BIN1: variants seen among roughly 807,000 people sequenced by gnomAD.
BIN1 encodes bridging integrator 1.
BIN1 carries 53 observed loss-of-function variants against 82.0 expected under a neutral mutation model. That is an observed-to-expected ratio of 0.65 (90% CI 0.52 to 0.81). BIN1 has a LOEUF of 0.81. BIN1 is among the 40% of genes least tolerant of loss of function. BIN1 has a pLI of 0.00. For missense variants in BIN1, 642 were observed against 784.4 expected, an observed-to-expected ratio of 0.82 and a Z score of 2.17; for synonymous variants, 302 against 328.0, an observed-to-expected ratio of 0.92 and a Z score of 0.86.
chr2:127,069,749 CA>C (rs1685630239), intron 5 of BIN1, among the ~76,000 whole-genome samples: 1 of 152,092 alleles, frequency 6.6e-6, no homozygotes, highest in Non-Finnish European at 1.5e-5. Context: ...CACACACACA[CA>C]CACACACACA....
chr2:127,069,230 C>G (rs1057105990), intron 5 of BIN1, among the ~76,000 whole-genome samples, 199 bp from the exon 6 acceptor site: 3 of 152,192 alleles, frequency 2.0e-5, no homozygotes, highest in Non-Finnish European at 4.4e-5. Flanking sequence ...TGTGAAACCA[C>G]TTCCTTGCAC....
rs780315634 is a variant in BIN1 at position 127,076,641 on chromosome 2, A to G, written c.150T>C (p.Asn50=). ...KDEQFEQCVQ[N]FNKQLTEGTR... is the part of the protein sequence containing the mutation. Reference sequence around the variant, plus strand: ...CCACACTCACCAGCTGCTTGTTGAAATTCTGGACGCACTGCTCAAACTGCT... The same window carrying G: ...CCACACTCACCAGCTGCTTGTTGAAGTTCTGGACGCACTGCTCAAACTGCT... The change falls in exon 2 of 19, where the codon AAT becomes AAC. Residue 50 remains asparagine, a synonymous_variant. Coordinates refer to ENST00000316724, the MANE Select transcript of BIN1 (RefSeq NM_139343.3). 6 of 1,614,126 alleles carry G rather than the reference A, an allele frequency of 3.7e-6. No individual in the cohort carries two copies. In the East Asian group the frequency reaches 1.3e-4, roughly 36 times the overall value.
chr2:127,082,951 T>G lies in BIN1; in HGVS notation c.85-6245A>C, dbSNP rs909914293. Among the ~76,000 whole-genome samples the G allele has an allele frequency of 6.6e-6, 1 of 151,902 alleles. No individual in the cohort carries two copies. Among genetic ancestry groups the G allele is most frequent in the African/African-American group, 2.4e-5 (1 of 41,318 alleles). On this transcript the variant is annotated intron_variant, in intron 1 of 18. Transcript: ENST00000316724. The surrounding 1 kb of genome is among the most constrained non-coding windows in gnomAD (Gnocchi z 6.1). ...CACCTCCACATTTCATGTGGCCCTC[T>G]CACCTCCTTATTTTCAAAGTATAAA...
chr2:127,048,748 C>G lies in BIN1; in HGVS notation c.1675-115G>C. On this transcript the variant is annotated intron_variant, in intron 18 of 18. Transcript: ENST00000316724. ...GCCCCTCCTCCTGCTGTTGGTGCCT[C>G]AGCCTGCCAAGCCCACCTTGAGAAC... The G allele has an allele frequency of 3.1e-6, 3 of 965,132 alleles. No individual in the cohort carries two copies. In the South Asian group the frequency reaches 4.1e-5, roughly 13 times the overall value. The allele number at this position is 965,132 out of a possible 1,614,324, so 59.8% of individuals were successfully genotyped here.
In BIN1 at chr2:127,070,098, A is replaced by T. The variant is rs776541797; in HGVS notation, c.316-8T>A. The T allele has an allele frequency of 6.2e-7, 1 of 1,613,388 alleles. No individual in the cohort carries two copies. The highest frequency in any genetic ancestry group is 8.5e-7 in the Non-Finnish European group (1 of 1,179,640). The stretch of plus-strand genomic sequence containing the variant: ...CCACAGCAGGTCGTTGTTCTGAGAC[A>T]GGCAAGAGCACGACAGTGCCACCAG... On this transcript the variant is annotated splice_polypyrimidine_tract_variant and splice_region_variant and intron_variant, in intron 4 of 18. Transcript: ENST00000316724.
intron 1 of BIN1, among the ~76,000 whole-genome samples, chr2:127,077,901 G>T (rs963362635): frequency 6.6e-6 from 1 of 152,142 alleles, no homozygotes; most frequent in South Asian, 2.1e-4. Context: ...AAGGAAACGG[G>T]GGTAGGGGAT....
At chr2:127,051,711 G>A (rs1682977810) in intron 15 of BIN1, among the ~76,000 whole-genome samples, 1 of 152,206 alleles carries the variant, frequency 6.6e-6, no homozygotes, top group Non-Finnish European at 1.5e-5. Context: ...GTGGTGCGGT[G>A]CAGCCTGTGC....
chr2:127,064,271 G>A (rs571777100), intron 7 of BIN1, among the ~76,000 whole-genome samples: 18 of 152,364 alleles, frequency 1.2e-4, no homozygotes, highest in African/African-American at 4.1e-4. Context: ...GTGGCCGGGA[G>A]GGCAGTGAGC....
At chr2:127,058,932 T>G (rs1684064972) in intron 11 of BIN1, 79 bp downstream of exon 11, 1 of 1,530,764 alleles carries the variant, frequency 6.5e-7, no homozygotes, top group Non-Finnish European at 8.8e-7. Flanking sequence ...GACAGAGGAG[T>G]GGGAGGATGG....
chr2:127,074,053 G>A (rs995195062), intron 2 of BIN1, among the ~76,000 whole-genome samples: 2 of 152,072 alleles, frequency 1.3e-5, no homozygotes, highest in East Asian at 3.9e-4. Context: ...CATAAGAAGG[G>A]GTGGGAGGTT....
rs1042337118 is a variant in BIN1 at position 127,067,977 on chromosome 2, G to C, written c.612+186C>G. ...CACCCAGGTCACACAGAGCCCCTCA[G>C]CCGGTTCTTTGACCCCTACATTTGA... On this transcript the variant is annotated intron_variant, in intron 7 of 18. Coordinates refer to ENST00000316724, the MANE Select transcript of BIN1 (RefSeq NM_139343.3). This position sits in a 1 kb window ranked among gnomAD's most constrained non-coding sequence, Gnocchi z 4.7. Among the ~76,000 whole-genome samples the C allele has an allele frequency of 3.9e-5, 6 of 152,144 alleles. No individual in the cohort carries two copies. Among genetic ancestry groups the C allele is most frequent in the African/African-American group, 1.4e-4 (6 of 41,452 alleles).
intron 11 of BIN1, among the ~76,000 whole-genome samples, chr2:127,058,500 C>T (rs1017959235): frequency 6.6e-6 from 1 of 152,118 alleles, no homozygotes; most frequent in African/African-American, 2.4e-5. Context: ...CAAGGACAGT[C>T]CAGAAGCCCA....
chr2:127,105,077 T>G (rs744368), intron 1 of BIN1, among the ~76,000 whole-genome samples: 117,496 of 152,142 alleles, frequency 0.77, 45,601 homozygotes, highest in African/African-American at 0.83. Context: ...AGGGATGGTG[T>G]CTCAGGAGCT....
rs146573197 is a variant in BIN1, at chr2:127,063,630, C to T, written c.715G>A (p.Val239Ile). The change falls in exon 9 of 19, where the codon GTC (valine) becomes ATC (isoleucine). Residue 239 changes from valine (V) to isoleucine (I), a missense_variant. Transcript: ENST00000316724. The part of the protein sequence containing the change: ...SLWNSRVGFY[V>I]NTFQSIAGLE... ...CCCGCGATGCTCTGGAACGTGTTGA[C>T]GTAGAAACCTACGCGGCTACAGAAG... is the stretch of plus-strand genomic sequence containing the variant. 684 of 1,613,878 alleles carry T rather than the reference C, an allele frequency of 4.2e-4. No individual in the cohort carries two copies. The highest frequency in any genetic ancestry group is 9.9e-4 in the Middle Eastern group (6 of 6,062).
intron 1 of BIN1, among the ~76,000 whole-genome samples, chr2:127,084,537 C>G (rs1418507267): frequency 6.6e-6 from 1 of 152,224 alleles, no homozygotes; most frequent in Non-Finnish European, 1.5e-5. Context: ...CTCCAAGGAA[C>G]CCTGATTTCC....
chr2:127,052,514 G>A (rs543574481), intron 14 of BIN1, 152 bp from the exon 15 acceptor site: 43 of 665,976 alleles, frequency 6.5e-5, no homozygotes, highest in Non-Finnish European at 9.7e-5. Context: ...CCAGCCACCC[G>A]CCTCCCACAT....
At chr2:127,091,794 G>A (rs990579751) in intron 1 of BIN1, among the ~76,000 whole-genome samples, 1 of 152,104 alleles carries the variant, frequency 6.6e-6, no homozygotes, top group Non-Finnish European at 1.5e-5. Flanking sequence ...ATACCCGGGA[G>A]GCTGAAGCAG....
At chr2:127,073,593 AG>A (rs151202481) in intron 2 of BIN1, among the ~76,000 whole-genome samples, 1,972 of 152,238 alleles carry the variant, frequency 0.013, 50 homozygotes, top group African/African-American at 0.046. Flanking sequence ...CAGTGGGTCT[AG>A]GGGGCAGGGA....
At chr2:127,065,741 C>G (rs920470903) in intron 7 of BIN1, among the ~76,000 whole-genome samples, 3 of 152,214 alleles carry the variant, frequency 2.0e-5, no homozygotes, top group Non-Finnish European at 4.4e-5. Context: ...GTGGGAACAT[C>G]TGCACCCAGC....
Sources: gnomAD v4.1 joint callset for allele counts (sites outside exome capture counted in the v4.1 genomes callset) on GRCh38, gnomAD v4.1.1 for gene constraint, Gnocchi (gnomAD v3.1) non-coding constraint, MANE v1.5 for transcripts, NCBI Gene and HGNC (gene_info 2026-07-23, HGNC 2026-07-21) for gene names.